GATAD2A: variants seen among roughly 807,000 people sequenced by gnomAD.
GATAD2A encodes the protein GATA zinc finger domain containing 2A, also known as transcriptional repressor p66-alpha.
In GATAD2A, 12 loss-of-function variants were observed where a neutral mutation model predicts 68.5. The ratio of observed to expected loss-of-function variants is 0.18; its 90% CI spans 0.11 to 0.28. The LOEUF (loss-of-function observed/expected upper bound fraction) is 0.28, where lower values mean the gene tolerates loss of function less well. Among genes scored for constraint, GATAD2A ranks in the 10% least tolerant of loss-of-function variants. The pLI, the probability that GATAD2A is intolerant of heterozygous loss-of-function variation, is 1.00. For missense variants in GATAD2A, 755 were observed against 868.5 expected, an observed-to-expected ratio of 0.87 and a Z score of 1.64; for synonymous variants, 410 against 375.3, an observed-to-expected ratio of 1.09 and a Z score of -1.07.
At chr19:19,475,612 T>G (rs2058627561) in intron 2 of GATAD2A, among the ~76,000 whole-genome samples, 2 of 152,318 alleles carry the variant, frequency 1.3e-5, no homozygotes, top group African/African-American at 4.8e-5. Context: ...AGGGAGTGCC[T>G]TCACCAGCTC....
intron 1 of GATAD2A, among the ~76,000 whole-genome samples, chr19:19,400,333 A>C (rs1465452633): frequency 1.3e-5 from 2 of 152,224 alleles, no homozygotes; most frequent in Non-Finnish European, 2.9e-5. Flanking sequence ...TGCGCTGCAG[A>C]AACACTGAGT....
chr19:19,435,180 A>G (rs778862450), intron 1 of GATAD2A: 1 of 527,200 alleles, frequency 1.9e-6, no homozygotes, highest in Non-Finnish European at 3.9e-6. Context: ...CTGTGTGAGC[A>G]TAGTACCTGG....
intron 1 of GATAD2A, among the ~76,000 whole-genome samples, chr19:19,417,757 T>C (rs749454509): frequency 1.3e-5 from 2 of 152,132 alleles, no homozygotes; most frequent in Non-Finnish European, 2.9e-5. Flanking sequence ...TAATATGGCC[T>C]TGGATTTGCC....
At chr19:19,451,168 AT>A (rs1379932461) in intron 1 of GATAD2A, among the ~76,000 whole-genome samples, 1 of 151,008 alleles carries the variant, frequency 6.6e-6, no homozygotes, top group East Asian at 2.0e-4. Flanking sequence ...AGATCAGGAG[AT>A]TGAGACCATC....
At chr19:19,428,795 C>G (rs1353521545) in intron 1 of GATAD2A, among the ~76,000 whole-genome samples, 1 of 152,140 alleles carries the variant, frequency 6.6e-6, no homozygotes, top group Non-Finnish European at 1.5e-5. Flanking sequence ...GGGCAACTCT[C>G]AATTCTCAGT....
chr19:19,495,643 A>AAC (rs1469456482), intron 5 of GATAD2A, 111 bp from the exon 6 acceptor site: 4 of 1,001,144 alleles, frequency 4.0e-6, no homozygotes, highest in South Asian at 4.0e-5. Flanking sequence ...TTAAAAAAAA[A>AAC]AAAAAAAAAA....
intron 1 of GATAD2A, among the ~76,000 whole-genome samples, chr19:19,464,024 G>T (rs1440043039): frequency 2.0e-5 from 3 of 152,214 alleles, no homozygotes; most frequent in Non-Finnish European, 4.4e-5. Context: ...CATGGATGGC[G>T]ACAGGACCCC....
intron 10 of GATAD2A, 77 bp from the exon 11 acceptor site, chr19:19,502,254 G>T: frequency 8.3e-7 from 1 of 1,199,638 alleles, no homozygotes. Context: ...GCCAGAGCAA[G>T]GAGAGGCTGC....
At chr19:19,422,463 C>T (rs143907701) in intron 1 of GATAD2A, among the ~76,000 whole-genome samples, 3 of 152,268 alleles carry the variant, frequency 2.0e-5, no homozygotes, top group Non-Finnish European at 4.4e-5. Context: ...ACCTGCTTTC[C>T]CCAAGCCTCG....
At chr19:19,406,772 C>T (rs1476391814) in intron 1 of GATAD2A, among the ~76,000 whole-genome samples, 9 of 152,178 alleles carry the variant, frequency 5.9e-5, no homozygotes, top group Admixed American at 5.2e-4. Flanking sequence ...CAAGGAAAGG[C>T]TTATGGGCAG....
rs74351455 is a variant in GATAD2A, at chr19:19,471,432, A to G, written c.269+5818A>G. On this transcript the variant is annotated intron_variant, in intron 2 of 11. Coordinates refer to ENST00000683918, the MANE Select transcript of GATAD2A (RefSeq NM_001384528.1). Reference sequence around the variant, plus strand: ...AGCAGATGCAGGGACTACTTGTTGTATAGTTTCACTTACAGGGCATGTCCC... The same window carrying G: ...AGCAGATGCAGGGACTACTTGTTGTGTAGTTTCACTTACAGGGCATGTCCC... Among the ~76,000 whole-genome samples the G allele has an allele frequency of 5.1e-3, 765 of 150,704 alleles. 3 individuals carry two copies. Among genetic ancestry groups the G allele is most frequent in the Non-Finnish European group, 7.8e-3 (526 of 67,540 alleles).
In GATAD2A at chr19:19,506,328, C is replaced by T. The variant is rs950779233; in HGVS notation, c.*854C>T. Reference sequence around the variant, plus strand: ...TTAAGGGAGAAGGAGAGGATCCGGTCGGCAGCAGCCCTGAGCAGAAAGCTG... The same window carrying T: ...TTAAGGGAGAAGGAGAGGATCCGGTTGGCAGCAGCCCTGAGCAGAAAGCTG... On this transcript the variant is annotated 3_prime_UTR_variant, in exon 12 of 12. Coordinates refer to ENST00000683918, the MANE Select transcript of GATAD2A (RefSeq NM_001384528.1). 8.3e-5 allele frequency: 33 copies of T among 397,450 alleles called. No individual in the cohort carries two copies. Among genetic ancestry groups the T allele is most frequent in the Non-Finnish European group, 1.3e-4 (30 of 225,658 alleles). 24.6% of individuals were successfully genotyped at this position (397,450 alleles called of 1,614,324 possible).
At chr19:19,409,014 CTTT>C (rs5827448) in intron 1 of GATAD2A, among the ~76,000 whole-genome samples, 3 of 116,498 alleles carry the variant, frequency 2.6e-5, no homozygotes, top group African/African-American at 3.2e-5. Flanking sequence ...GAAATGTTGG[CTTT>C]TTTTTTTTTT....
intron 5 of GATAD2A, 108 bp from the exon 6 acceptor site, chr19:19,495,646 A>C (rs1245731941): frequency 1.4e-5 from 14 of 1,027,146 alleles, no homozygotes; most frequent in East Asian, 1.3e-4. Flanking sequence ...AAAAAAAAAA[A>C]AAAAAAAAAC....
Position 19,505,863 on chromosome 19 carries a change from G to T in GATAD2A, c.*389G>T, listed in dbSNP as rs2060844632. The T allele has an allele frequency of 2.5e-6, 1 of 401,886 alleles. No individual in the cohort carries two copies. The highest frequency in any genetic ancestry group is 2.1e-5 in the African/African-American group (1 of 48,648). 24.9% of individuals were successfully genotyped at this position (401,886 alleles called of 1,614,324 possible). A position where few individuals can be genotyped will look rare whatever the true frequency, so the allele number is the denominator to read the frequency against. On this transcript the variant is annotated 3_prime_UTR_variant, in exon 12 of 12. Coordinates refer to ENST00000683918, the MANE Select transcript of GATAD2A (RefSeq NM_001384528.1). ...GGACACTGTGATGCGCATGGGCAAG[G>T]CCAGCGCCCGGGGCTTCTGAACCGA...
At chr19:19,424,926 C>T (rs1307309893) in intron 1 of GATAD2A, among the ~76,000 whole-genome samples, 1 of 151,728 alleles carries the variant, frequency 6.6e-6, no homozygotes, top group African/African-American at 2.4e-5. Context: ...CCATCCTGGG[C>T]AACATAGTGA....
At chr19:19,485,356 G>C (rs1321548356) in intron 2 of GATAD2A, among the ~76,000 whole-genome samples, 3 of 152,190 alleles carry the variant, frequency 2.0e-5, no homozygotes, top group Non-Finnish European at 4.4e-5. Context: ...GCCCAGCTGG[G>C]CACTGTTGCT....
intron 2 of GATAD2A, among the ~76,000 whole-genome samples, chr19:19,469,490 C>T (rs1040306015): frequency 3.3e-5 from 5 of 150,076 alleles, no homozygotes; most frequent in African/African-American, 9.9e-5. Context: ...ATATTTAACA[C>T]GAAAGAAGGC....
intron 7 of GATAD2A, among the ~76,000 whole-genome samples, chr19:19,497,715 C>T (rs1477464121): frequency 1.3e-5 from 2 of 152,154 alleles, no homozygotes; most frequent in East Asian, 1.9e-4. Flanking sequence ...GGGTGGGGTG[C>T]ACAGCTTTCA....
Sources: gnomAD v4.1 joint callset for allele counts (sites outside exome capture counted in the v4.1 genomes callset) on GRCh38, gnomAD v4.1.1 for gene constraint, MANE v1.5 for transcripts, NCBI Gene and HGNC (gene_info 2026-07-23, HGNC 2026-07-21) for gene names.